The following CLN3 variants were observed in gnomAD, a reference collection of about 807,000 sequenced individuals.
CLN3 encodes CLN3 lysosomal/endosomal transmembrane protein, battenin.
CLN3 carries 49 observed loss-of-function variants against 60.7 expected under a neutral mutation model. That is an observed-to-expected ratio of 0.81 (90% confidence interval 0.64 to 1.02). The LOEUF is 1.02. Among genes scored for constraint, CLN3 ranks in the 50% least tolerant of loss-of-function variants. The pLI is 0.00. For missense variants in CLN3, 516 were observed against 557.4 expected, an observed-to-expected ratio of 0.93 and a Z score of 0.75; for synonymous variants, 256 against 245.8, an observed-to-expected ratio of 1.04 and a Z score of -0.39.
chr16:28,486,558 T>C lies in CLN3; in HGVS notation c.533+20A>G. On this transcript the variant is annotated intron_variant, in intron 8 of 15. Coordinates refer to ENST00000636147, the MANE Select transcript of CLN3 (RefSeq NM_001042432.2). The stretch of plus-strand genomic sequence containing the variant: ...ACCATGGGACAGCCTCTCCCCACAC[T>C]CCCTGCTCCACCTGCTTACCTGGGG... 2 of 1,608,462 alleles carry C rather than the reference T, an allele frequency of 1.2e-6. No homozygotes were observed. The highest frequency in any genetic ancestry group is 1.7e-6 in the Non-Finnish European group (2 of 1,177,586).
Position 28,491,751 on chromosome 16 carries a change from G to A in CLN3, c.9C>T (p.Gly3=), listed in dbSNP as rs2141722774. 6.2e-7 allele frequency: 1 copy of A among 1,613,962 alleles called. No homozygotes were observed. The highest frequency in any genetic ancestry group is 8.5e-7 in the Non-Finnish European group (1 of 1,180,038). Residue 3 remains glycine, a synonymous_variant, in exon 2 of 16, where the codon GGC becomes GGT. Coordinates refer to ENST00000636147, the MANE Select transcript of CLN3 (RefSeq NM_001042432.2). Reference sequence around the variant, plus strand: ...AAAAGCGCCGCCGCGAGCCTGCACAGCCTCCCATCGCATCAAGTTCAGGTC... The same window carrying A: ...AAAAGCGCCGCCGCGAGCCTGCACAACCTCCCATCGCATCAAGTTCAGGTC... MG[G]CAGSRRRFSD...
rs945517371 is a variant in CLN3 at position 28,484,369 on chromosome 16, G to A, written c.678-251C>T. 1.6e-5 allele frequency: 8 copies of A among 485,242 alleles called. No homozygotes were observed. The Admixed American group carries it at 2.0e-4, about 12-fold the overall frequency. The allele number at this position is 485,242 out of a possible 1,614,324, so 30.1% of individuals were successfully genotyped here. On this transcript the variant is annotated intron_variant, in intron 9 of 15. Transcript: ENST00000636147. ...TCATTTTGTTTTGATTTTTTTCAGA[G>A]ACAGGGTCTTTCTCCAGCATCCAGG...
At chr16:28,475,370 GT>G (rs2045982750), downstream of CLN3, 1 of 152,322 alleles carries the variant, frequency 6.6e-6, no homozygotes, top group African/African-American at 2.4e-5. Context: ...CAGAGCTGAT[GT>G]TTATTGAGTG....
At chr16:28,483,104 C>CA (rs1567258083) in intron 10 of CLN3, among the ~76,000 whole-genome samples, 1 of 151,224 alleles carries the variant, frequency 6.6e-6, no homozygotes, top group Non-Finnish European at 1.5e-5. Flanking sequence ...AACTCCACCT[C>CA]AAAAAAATAA....
In CLN3 at chr16:28,491,632, G is replaced by T. The variant is rs754438391; in HGVS notation, c.47-72C>A. 3 of 1,613,412 alleles carry T rather than the reference G, an allele frequency of 1.9e-6. No individual in the cohort carries two copies. The African/African-American group carries it at 4.0e-5, about 22-fold the overall frequency. On this transcript the variant is annotated intron_variant, in intron 2 of 15. Coordinates refer to ENST00000636147, the MANE Select transcript of CLN3 (RefSeq NM_001042432.2). ...ACGACCGCTCCTTGCGTGTCCTCCC[G>T]GGGCCGAGTCAGCTCTCATTCCCCT...
At chr16:28,489,670 G>A (rs1374872270) in intron 3 of CLN3, among the ~76,000 whole-genome samples, 1 of 152,118 alleles carries the variant, frequency 6.6e-6, no homozygotes, top group Non-Finnish European at 1.5e-5. Context: ...AGGATTGCTT[G>A]AGTCCAGGAG....
chr16:28,487,923 C>T (rs2046249035), intron 5 of CLN3, 182 bp from the exon 6 acceptor site: 1 of 618,334 alleles, frequency 1.6e-6, no homozygotes, highest in Admixed American at 2.5e-5. Flanking sequence ...AGAGTTTATA[C>T]TCTCTGAGCT....
intron 10 of CLN3, among the ~76,000 whole-genome samples, chr16:28,482,961 A>G (rs375759540): frequency 8.6e-5 from 13 of 151,840 alleles, no homozygotes; most frequent in African/African-American, 2.9e-4. Flanking sequence ...AAAATTAGCC[A>G]TGTGTGGTGG....
At chr16:28,487,397 A>G (rs2046237172) in intron 7 of CLN3, 59 bp downstream of exon 7, 1 of 1,389,132 alleles carries the variant, frequency 7.2e-7, no homozygotes, top group African/African-American at 1.4e-5. Context: ...GACTCTTCCC[A>G]CAAATGCTCT....
rs761169147 is a variant in CLN3, at chr16:28,482,716, T to C, written c.791-44A>G. 1.2e-5 allele frequency: 20 copies of C among 1,608,006 alleles called. No individual in the cohort carries two copies. In the South Asian group the frequency reaches 1.6e-4, roughly 13 times the overall value. On this transcript the variant is annotated intron_variant, in intron 10 of 15. Transcript: ENST00000636147. ...AGAAGGGCAGATGAAGTTTTCACAC[T>C]GAAGACTCGGCAAAGAGGCACCGGT...
chr16:28,475,044 G>A (rs80156080), downstream of CLN3, among the ~76,000 whole-genome samples: 2,097 of 152,324 alleles, frequency 0.014, 43 homozygotes, highest in African/African-American at 0.047. Context: ...GAGCTCTGGA[G>A]TACAAGACTA....
At chr16:28,480,289 A>C (rs924877095) in intron 14 of CLN3, among the ~76,000 whole-genome samples, 2 of 151,754 alleles carry the variant, frequency 1.3e-5, no homozygotes, top group African/African-American at 4.8e-5. Flanking sequence ...CCTGGCTTCG[A>C]GTGATCCTCC....
Position 28,487,477 on chromosome 16 carries a change from A to T in CLN3, c.439T>A (p.Ser147Thr). 1 of 1,613,996 alleles carries T rather than the reference A, an allele frequency of 6.2e-7. No individual in the cohort carries two copies. Among genetic ancestry groups the T allele is most frequent in the Non-Finnish European group, 8.5e-7 (1 of 1,179,954 alleles). Reference sequence around the variant, plus strand: ...TCACCACACAGGCTGGTCCCCACAGAATGAGAAAAGGCAACCAGGACGAAG... The same window carrying T: ...TCACCACACAGGCTGGTCCCCACAGTATGAGAAAAGGCAACCAGGACGAAG... ...GSFVLVAFSH[S>T]VGTSLCGVVF... The change falls in exon 7 of 16, where the codon TCT (serine) becomes ACT (threonine). Residue 147 changes from serine (S) to threonine (T), a missense_variant. Coordinates refer to ENST00000636147, the MANE Select transcript of CLN3 (RefSeq NM_001042432.2).
At chr16:28,490,455 A>T (rs947514554) in intron 3 of CLN3, 5 of 120,580 alleles carry the variant, frequency 4.1e-5, no homozygotes, top group East Asian at 2.2e-4. Flanking sequence ...AAAATAAAAT[A>T]AAATTAAAAA....
In CLN3 at chr16:28,482,389, C is replaced by A. The variant is rs368113837; in HGVS notation, c.907-7G>T. On this transcript the variant is annotated splice_polypyrimidine_tract_variant and splice_region_variant and intron_variant, in intron 12 of 15. Coordinates refer to ENST00000636147, the MANE Select transcript of CLN3 (RefSeq NM_001042432.2). ...AGAAAAAGAGGAGTTCAAACTGCAACAAATACCAGACAGGGGAGATGGACG... is the reference window on the plus strand; with the variant it reads ...AGAAAAAGAGGAGTTCAAACTGCAAAAAATACCAGACAGGGGAGATGGACG... 1 of 1,614,078 alleles carries A rather than the reference C, an allele frequency of 6.2e-7. No homozygotes were observed. Among genetic ancestry groups the A allele is most frequent in the Non-Finnish European group, 8.5e-7 (1 of 1,180,014 alleles).
downstream of CLN3, among the ~76,000 whole-genome samples, chr16:28,470,808 A>G (rs1347945528): frequency 9.6e-5 from 14 of 145,318 alleles, no homozygotes; most frequent in Admixed American, 3.4e-4. Context: ...CACGGAGAAG[A>G]TCAGGGAAGC....
At chr16:28,488,266 C>G (rs577733811) in intron 5 of CLN3, 1 of 163,692 alleles carries the variant, frequency 6.1e-6, no homozygotes, top group African/African-American at 2.4e-5. Context: ...GTCTTGAACT[C>G]CTGGTCTCAA....
chr16:28,481,843 C>T (rs564856037), intron 14 of CLN3, among the ~76,000 whole-genome samples: 1 of 152,084 alleles, frequency 6.6e-6, no homozygotes, highest in East Asian at 1.9e-4. Flanking sequence ...AAAAATTAGC[C>T]AGGTATGGTG....
At position 28,484,042 on chromosome 16, in the gene CLN3, G is replaced by C; in HGVS notation, c.754C>G (p.Pro252Ala). The C allele has an allele frequency of 1.2e-6, 2 of 1,611,946 alleles. No homozygotes were observed. The highest frequency in any genetic ancestry group is 2.2e-5 in the East Asian group (1 of 44,852). ...EEEAESAARQ[P>A]LIRTEAPESK... ...TCCGGGGCCTCGGTTCTTATGAGGG[G>C]CTGCCGGGCTGCGCTCTCTGCTTCT... The change falls in exon 10 of 16, where the codon CCC becomes GCC. Residue 252 changes from proline to alanine, a missense_variant. Transcript: ENST00000636147.
Sources: allele counts gnomAD v4.1 joint callset (sites outside exome capture counted in the v4.1 genomes callset), GRCh38; gene constraint gnomAD v4.1.1; transcripts MANE v1.5; gene names NCBI Gene and HGNC (gene_info 2026-07-23, HGNC 2026-07-21).